The following PRR16 variants were observed in gnomAD, a reference collection of about 807,000 sequenced individuals.
PRR16 encodes the protein proline rich 16, also known as protein Largen.
A neutral mutation model predicts 18.2 loss-of-function variants in PRR16; 6 were observed. That is an observed-to-expected ratio of 0.33 (90% CI 0.18 to 0.65). The LOEUF is 0.65. PRR16 is among the 30% of genes least tolerant of loss of function. The pLI is 0.74. For synonymous variants in PRR16, 151 were observed against 147.8 expected (o/e 1.02, Z -0.16); for missense variants, 412 against 376.6 (o/e 1.09, Z -0.78).
the PRR16 span, among the ~76,000 whole-genome samples, chr5:120,763,267 C>A: frequency 3.5e-4 from 53 of 152,030 alleles, no homozygotes; most frequent in African/African-American, 1.2e-3. Flanking sequence ...CCTCAGCCTC[C>A]CAAGTAAGTG....
the PRR16 span, among the ~76,000 whole-genome samples, chr5:120,772,531 A>G: frequency 6.6e-6 from 1 of 152,210 alleles, no homozygotes; most frequent in Non-Finnish European, 1.5e-5. Flanking sequence ...ATTTCCTAGC[A>G]TTATTAGTAC....
chr5:120,764,627 G>A, the PRR16 span, among the ~76,000 whole-genome samples: 1 of 151,878 alleles, frequency 6.6e-6, no homozygotes, highest in African/African-American at 2.4e-5. Flanking sequence ...TTAAATCCTT[G>A]ATTAATCAAG....
intron 1 of PRR16, among the ~76,000 whole-genome samples, chr5:120,476,130 C>G (rs960303816): frequency 4.6e-5 from 7 of 152,170 alleles, no homozygotes; most frequent in African/African-American, 1.7e-4. Context: ...AGTTCATTCT[C>G]TAAACACTGC....
intron 1 of PRR16, among the ~76,000 whole-genome samples, chr5:120,470,101 A>T (rs1350129535): frequency 6.6e-6 from 1 of 152,212 alleles, no homozygotes; most frequent in Non-Finnish European, 1.5e-5. Flanking sequence ...TGAGCAAAAC[A>T]TATTTTCCCA....
intron 1 of PRR16, among the ~76,000 whole-genome samples, chr5:120,590,046 T>C (rs1561561566): frequency 6.6e-6 from 1 of 152,198 alleles, no homozygotes; most frequent in African/African-American, 2.4e-5. Flanking sequence ...TATTAGGACC[T>C]GAAGAGCTAG....
the PRR16 span, among the ~76,000 whole-genome samples, chr5:120,705,768 CTCT>C: frequency 6.6e-6 from 1 of 152,058 alleles, no homozygotes; most frequent in Non-Finnish European, 1.5e-5. Context: ...CAATGCTCTT[CTCT>C]GACTCTGTAG....
rs1181548957 is a variant in PRR16, at chr5:120,528,051, A to C, written c.159+63406A>C. Among the ~76,000 whole-genome samples, 3 of 152,276 alleles carry C rather than the reference A, an allele frequency of 2.0e-5. No homozygotes were observed. In the South Asian group the frequency reaches 6.2e-4, roughly 32 times the overall value. ...AGTTTAGGTAAAAGTTAGAATGGAG[A>C]GGTGTACAGAAGTCTTAATAGTGAT... On this transcript the variant is annotated intron_variant, in intron 1 of 1. Coordinates refer to ENST00000407149, the MANE Select transcript of PRR16 (RefSeq NM_001300783.2).
chr5:120,724,162 C>T, the PRR16 span, among the ~76,000 whole-genome samples: 4 of 152,030 alleles, frequency 2.6e-5, no homozygotes, highest in Non-Finnish European at 5.9e-5. Context: ...CTTAGGTTCT[C>T]TTCCCTGCAA....
At chr5:120,560,306 A>G (rs1314615953) in intron 1 of PRR16, among the ~76,000 whole-genome samples, 1 of 151,906 alleles carries the variant, frequency 6.6e-6, no homozygotes, top group East Asian at 1.9e-4. Flanking sequence ...GTTGAGATAT[A>G]TTACCTCTAT....
intron 1 of PRR16, among the ~76,000 whole-genome samples, chr5:120,682,413 G>C (rs1372728251): frequency 6.6e-6 from 1 of 152,126 alleles, no homozygotes; most frequent in Non-Finnish European, 1.5e-5. Flanking sequence ...CTCCATGAAA[G>C]CAGTGTTTTG....
downstream of PRR16, among the ~76,000 whole-genome samples, chr5:120,691,260 A>C (rs1757205741): frequency 1.3e-5 from 2 of 152,268 alleles, no homozygotes; most frequent in South Asian, 4.1e-4. Flanking sequence ...CGAACTTCGT[A>C]AATCTTTCCT....
chr5:120,755,298 G>A, the PRR16 span, among the ~76,000 whole-genome samples: 1 of 152,072 alleles, frequency 6.6e-6, no homozygotes, highest in African/African-American at 2.4e-5. Context: ...TATATTGCAA[G>A]ATGCTGTGGT....
At chr5:120,614,259 T>G (rs919076131) in intron 1 of PRR16, among the ~76,000 whole-genome samples, 1 of 152,210 alleles carries the variant, frequency 6.6e-6, no homozygotes, top group African/African-American at 2.4e-5. Context: ...CAAGTTATGT[T>G]CTCATACTGT....
intron 1 of PRR16, among the ~76,000 whole-genome samples, chr5:120,467,468 T>C (rs945936344): frequency 6.6e-6 from 1 of 152,164 alleles, no homozygotes; most frequent in African/African-American, 2.4e-5. Flanking sequence ...TCTTTGTTTT[T>C]GTGTAATTTC....
intron 1 of PRR16, among the ~76,000 whole-genome samples, chr5:120,514,599 T>C (rs2112641554): frequency 6.6e-6 from 1 of 152,362 alleles, no homozygotes; most frequent in East Asian, 1.9e-4. Context: ...CTCTTAAGTC[T>C]TAAGTTCTAC....
At chr5:120,637,186 T>C (rs539079373) in intron 1 of PRR16, among the ~76,000 whole-genome samples, 62 of 151,846 alleles carry the variant, frequency 4.1e-4, no homozygotes, top group Non-Finnish European at 8.8e-4. Flanking sequence ...CTGTTGTTGG[T>C]AATATAAACT....
rs533526181 is a variant in PRR16, at chr5:120,684,261, T to C, written c.160-1693T>C. 1.2e-3 allele frequency among the ~76,000 whole-genome samples: 185 copies of C among 152,348 alleles called. 1 individual carries two copies. The highest frequency in any genetic ancestry group is 4.3e-3 in the African/African-American group (178 of 41,580). ...TTGAATGTTTTGAAACTGCTGAGTT[T>C]GCAGGCCTTCGAGACATCCAAAGAC... On this transcript the variant is annotated intron_variant, in intron 1 of 1. Transcript: ENST00000407149.
chr5:120,622,672 T>A (rs1754728317), intron 1 of PRR16, among the ~76,000 whole-genome samples: 1 of 151,964 alleles, frequency 6.6e-6, no homozygotes, highest in Middle Eastern at 3.4e-3. Flanking sequence ...AGAGACAGAG[T>A]TTCACCATGT....
At chr5:120,639,187 A>C (rs1240094314) in intron 1 of PRR16, among the ~76,000 whole-genome samples, 1 of 152,032 alleles carries the variant, frequency 6.6e-6, no homozygotes, top group Admixed American at 6.6e-5. Flanking sequence ...CAGATATTTG[A>C]TGCTTATTTT....
Sources: allele counts gnomAD v4.1 joint callset (sites outside exome capture counted in the v4.1 genomes callset), GRCh38; gene constraint gnomAD v4.1.1; transcripts MANE v1.5; gene names NCBI Gene and HGNC (gene_info 2026-07-23, HGNC 2026-07-21).